Variants in CTSK observed in about 807,000 individuals in gnomAD.
The protein encoded by CTSK is cathepsin O.
Under a neutral mutation model 40.5 loss-of-function variants are expected in CTSK, and 26 were observed. The observed-to-expected ratio is 0.64, with a 90% CI of 0.47 to 0.89. CTSK has a LOEUF of 0.89. Among genes scored for constraint, CTSK ranks in the 40% least tolerant of loss-of-function variants. The pLI is 0.00. For missense variants in CTSK, 292 were observed against 400.1 expected (o/e 0.73, Z 2.30); for synonymous variants, 132 against 143.2 (o/e 0.92, Z 0.56).
chr1:150,807,228 T>C, intron 1 of CTSK: 1 of 471,382 alleles, frequency 2.1e-6, no homozygotes, highest in South Asian at 1.6e-5. Context: ...AATAGCAAGG[T>C]GGTAGTGGGG....
chr1:150,805,638 CAAAAAAAAAAAA>C (rs79027279), intron 4 of CTSK, among the ~76,000 whole-genome samples: 1 of 55,000 alleles, frequency 1.8e-5, no homozygotes, highest in Non-Finnish European at 3.2e-5. Context: ...GACTCTATCT[CAAAAAAAAAAAA>C]AAAAAAAAAA....
chr1:150,796,956 A>AT, intron 7 of CTSK, 58 bp from the exon 8 acceptor site: 4 of 1,169,934 alleles, frequency 3.4e-6, no homozygotes, highest in Non-Finnish European at 5.2e-6. Flanking sequence ...TCATTAAAAT[A>AT]TTTACTGAGT....
chr1:150,802,046 G>A (rs949327389), intron 5 of CTSK, among the ~76,000 whole-genome samples: 1 of 148,162 alleles, frequency 6.7e-6, no homozygotes, highest in African/African-American at 2.5e-5. Flanking sequence ...GGGAGGCCGA[G>A]GCGGGCGGAC....
intron 2 of CTSK, 150 bp downstream of exon 2, chr1:150,806,536 G>T: frequency 2.0e-6 from 2 of 1,024,966 alleles, no homozygotes; most frequent in Non-Finnish European, 3.0e-6. Context: ...TGAAGCATAG[G>T]AATGAAAACC....
At position 150,805,969 on chromosome 1, in the gene CTSK, C is replaced by T. The variant is rs907283349; in HGVS notation, c.291G>A (p.Leu97=). Residue 97 remains leucine, a synonymous_variant, in exon 4 of 8, where the codon CTG becomes CTA. Transcript: ENST00000271651. ...GGGTGTCATTACTGCGGGAATGAGACAGGGGTACTTTGAGTCCAGTCATCT... is the reference window on the plus strand; with the variant it reads ...GGGTGTCATTACTGCGGGAATGAGATAGGGGTACTTTGAGTCCAGTCATCT... The part of the protein sequence containing the change: ...VQKMTGLKVP[L]SHSRSNDTLY... 4.3e-6 allele frequency: 7 copies of T among 1,614,144 alleles called. No individual in the cohort carries two copies. Among genetic ancestry groups the T allele is most frequent in the Middle Eastern group, 1.6e-4 (1 of 6,062 alleles).
chr1:150,807,076 T>TCACACA (rs1176948763), intron 1 of CTSK, among the ~76,000 whole-genome samples: 10 of 36,476 alleles, frequency 2.7e-4, no homozygotes, highest in Non-Finnish European at 6.3e-4. Context: ...TGTCTCTCTC[T>TCACACA]CTCTCACACA....
intron 7 of CTSK, 42 bp downstream of exon 7, chr1:150,799,126 A>C: frequency 7.5e-7 from 1 of 1,326,030 alleles, no homozygotes; most frequent in Non-Finnish European, 1.1e-6. Flanking sequence ...GTTGAGTGTT[A>C]AAAGGGTGAC....
Position 150,804,404 on chromosome 1 carries a change from C to CT in CTSK, c.400-166dup, listed in dbSNP as rs1374793355. Among the ~76,000 whole-genome samples the CT allele has an allele frequency of 1.1e-4, 16 of 152,276 alleles. No homozygotes were observed. In the East Asian group the frequency reaches 3.1e-3, roughly 29 times the overall value. ...TAATATCTGTTGCACTGTTCTACTG[C>CT]TATTGATTTTTGCTACCATTTTTAC... On this transcript the variant is annotated intron_variant, in intron 4 of 7. Coordinates refer to ENST00000271651, the MANE Select transcript of CTSK (RefSeq NM_000396.4).
At chr1:150,806,278 T>C (rs892638977) in intron 2 of CTSK, 54 bp from the exon 3 acceptor site, 15 of 1,594,600 alleles carry the variant, frequency 9.4e-6, no homozygotes, top group South Asian at 6.6e-5. Flanking sequence ...ACATATGTAA[T>C]ATTGTGAAGG....
chr1:150,799,345 A>G lies in CTSK; in HGVS notation c.785-72T>C. ...ACCCTGTGGGATCTCCCAGTCTAGG[A>G]GACTGTTTGAAGAATTCCATCCGTG... is the stretch of plus-strand genomic sequence containing the variant. On this transcript the variant is annotated intron_variant, in intron 6 of 7. Transcript: ENST00000271651. The G allele has an allele frequency of 2.3e-6, 3 of 1,301,240 alleles. No homozygotes were observed. The Admixed American group carries it at 5.0e-5, about 22-fold the overall frequency. The allele number at this position is 1,301,240 out of a possible 1,614,324, so 80.6% of individuals were successfully genotyped here.
At chr1:150,805,638 CAAAAAAAAAA>C (rs79027279) in intron 4 of CTSK, among the ~76,000 whole-genome samples, 642 of 55,002 alleles carry the variant, frequency 0.012, 12 homozygotes, top group African/African-American at 0.048. Context: ...GACTCTATCT[CAAAAAAAAAA>C]AAAAAAAAAA....
At chr1:150,805,622 G>C (rs1277107109) in intron 4 of CTSK, among the ~76,000 whole-genome samples, 1 of 115,872 alleles carries the variant, frequency 8.6e-6, no homozygotes, top group Non-Finnish European at 1.6e-5. Flanking sequence ...CTGGGCGACA[G>C]AGTGAGACTC....
chr1:150,806,602 G>T (rs879490870), intron 2 of CTSK, 84 bp downstream of exon 2: 44 of 1,567,782 alleles, frequency 2.8e-5, no homozygotes, highest in Admixed American at 5.0e-5. Context: ...AAAGCATTTG[G>T]ATTGAAGAAG....
chr1:150,803,478 A>G (rs1571125980), intron 5 of CTSK, among the ~76,000 whole-genome samples: 1 of 152,152 alleles, frequency 6.6e-6, no homozygotes, highest in South Asian at 2.1e-4. Context: ...CTATGTGTAT[A>G]AAAAACCCCT....
chr1:150,797,799 A>G (rs1421016007), intron 7 of CTSK, among the ~76,000 whole-genome samples: 1 of 152,088 alleles, frequency 6.6e-6, no homozygotes, highest in African/African-American at 2.4e-5. Flanking sequence ...CTTGGAAGCT[A>G]TCTCCACACA....
chr1:150,807,086 A>T (rs996678135), intron 1 of CTSK, among the ~76,000 whole-genome samples: 63 of 63,966 alleles, frequency 9.8e-4, no homozygotes, highest in African/African-American at 4.0e-3. Flanking sequence ...TCTCTCACAC[A>T]CACACACACA....
In CTSK at chr1:150,799,618, C is replaced by T. The variant is rs377253544; in HGVS notation, c.710G>A (p.Arg237Lys). 1.2e-5 allele frequency: 19 copies of T among 1,614,206 alleles called. No homozygotes were observed. The Admixed American group carries it at 1.8e-4, about 16-fold the overall frequency. The change falls in exon 6 of 8, where the codon AGG (arginine) becomes AAG (lysine). Residue 237 changes from arginine (R) to lysine (K), a missense_variant. Coordinates refer to ENST00000271651, the MANE Select transcript of CTSK (RefSeq NM_000396.4). The stretch of plus-strand genomic sequence containing the variant: ...GACAGGTCCCACTCGGGCCACTGCC[C>T]TCTTCAGGGCTTTCTCATTCCCCTC... The part of the protein sequence containing the change: ...IPEGNEKALK[R>K]AVARVGPVSV...
chr1:150,806,943 T>C (rs1654106626), intron 1 of CTSK, 137 bp from the exon 2 acceptor site: 11 of 1,035,516 alleles, frequency 1.1e-5, no homozygotes, highest in Non-Finnish European at 1.6e-5. Flanking sequence ...TGTGTTTAGA[T>C]AGGATGCTGG....
At chr1:150,804,322 G>A (rs753894962) in intron 4 of CTSK, 83 bp from the exon 5 acceptor site, 13 of 1,144,368 alleles carry the variant, frequency 1.1e-5, no homozygotes, top group Non-Finnish European at 1.4e-5. Context: ...GAAATTCCAT[G>A]TGTTCTAAAA....
Sources: gnomAD v4.1 joint callset for allele counts (sites outside exome capture counted in the v4.1 genomes callset) on GRCh38, gnomAD v4.1.1 for gene constraint, MANE v1.5 for transcripts, NCBI Gene and HGNC (gene_info 2026-07-23, HGNC 2026-07-21) for gene names.